Variants in NTN4 observed in about 807,000 individuals in gnomAD.
The protein encoded by NTN4 is netrin 4, also known as netrin-4.
NTN4 carries 32 observed loss-of-function variants against 73.6 expected under a neutral mutation model. That is an observed-to-expected ratio of 0.44 (90% confidence interval 0.33 to 0.58). The LOEUF is 0.58. Ranked by LOEUF, NTN4 falls within the 20% of genes least tolerant of loss-of-function variation. The pLI is 0.04. For missense variants in NTN4, 654 were observed against 798.3 expected, an observed-to-expected ratio of 0.82 and a Z score of 2.18; for synonymous variants, 258 against 287.5, an observed-to-expected ratio of 0.90 and a Z score of 1.04.
intron 9 of NTN4, 69 bp downstream of exon 9, chr12:95,665,741 A>T: frequency 8.1e-7 from 1 of 1,234,890 alleles, no homozygotes; most frequent in Non-Finnish European, 1.1e-6. Context: ...TGTGCTTCAG[A>T]GGATGTAAGA....
intron 2 of NTN4, among the ~76,000 whole-genome samples, chr12:95,742,240 C>T (rs976484927): frequency 6.6e-6 from 1 of 151,938 alleles, no homozygotes; most frequent in African/African-American, 2.4e-5. Context: ...TCATGCCTGT[C>T]ATCCCAGCAC....
intron 7 of NTN4, among the ~76,000 whole-genome samples, chr12:95,677,618 T>C (rs11108190): frequency 0.026 from 3,899 of 152,264 alleles, 195 homozygotes; most frequent in East Asian, 0.24. Flanking sequence ...TAAAAATACA[T>C]CACAGCAAAT....
At chr12:95,695,981 TCCTTCCCCTTCC>T (rs763977461) in intron 5 of NTN4, among the ~76,000 whole-genome samples, 5 of 149,616 alleles carry the variant, frequency 3.3e-5, no homozygotes, top group Non-Finnish European at 7.4e-5. Context: ...TTCTTTCCTT[TCCTTCCCCTTCC>T]CCTTCCCCTT....
chr12:95,778,777 T>C (rs1240536536), intron 2 of NTN4, among the ~76,000 whole-genome samples: 2 of 152,138 alleles, frequency 1.3e-5, no homozygotes, highest in African/African-American at 2.4e-5. Flanking sequence ...TTCCAATCAA[T>C]AGAAAAAGAG....
intron 2 of NTN4, among the ~76,000 whole-genome samples, chr12:95,775,647 A>G (rs1326908271): frequency 2.0e-5 from 3 of 152,222 alleles, no homozygotes; most frequent in Non-Finnish European, 4.4e-5. Flanking sequence ...GGTGCCCGCT[A>G]TTGCTGAGGC....
chr12:95,767,875 G>A (rs1038606160), intron 2 of NTN4, among the ~76,000 whole-genome samples: 22 of 152,162 alleles, frequency 1.4e-4, no homozygotes, highest in Non-Finnish European at 3.2e-4. Flanking sequence ...GCAGAGGGAT[G>A]TAACCCATGA....
chr12:95,708,958 C>A (rs1403983631), intron 5 of NTN4, among the ~76,000 whole-genome samples: 1 of 152,064 alleles, frequency 6.6e-6, no homozygotes, highest in Non-Finnish European at 1.5e-5. Flanking sequence ...AAACAAGGAG[C>A]AGGAGTAAAA....
At chr12:95,768,290 A>C (rs4762617) in intron 2 of NTN4, among the ~76,000 whole-genome samples, 54,109 of 151,806 alleles carry the variant, frequency 0.36, 10,072 homozygotes, top group East Asian at 0.62. Flanking sequence ...AACCCAGAAT[A>C]TTGGTGCAAG....
intron 9 of NTN4, among the ~76,000 whole-genome samples, chr12:95,659,938 T>A (rs1160450701): frequency 6.6e-6 from 1 of 152,204 alleles, no homozygotes; most frequent in Non-Finnish European, 1.5e-5. Context: ...CTTATCATAC[T>A]GCCCTAGATC....
At chr12:95,750,160 C>A (rs1158869377) in intron 2 of NTN4, among the ~76,000 whole-genome samples, 1 of 150,766 alleles carries the variant, frequency 6.6e-6, no homozygotes, top group Non-Finnish European at 1.5e-5. Flanking sequence ...TATTTCTGTG[C>A]CCCGACCCCT....
At chr12:95,743,989 C>A (rs558568417) in intron 2 of NTN4, among the ~76,000 whole-genome samples, 54 of 152,304 alleles carry the variant, frequency 3.5e-4, no homozygotes, top group Non-Finnish European at 6.0e-4. Context: ...GCAACCTCCA[C>A]CTCCTGGGTT....
chr12:95,686,769 AG>A (rs1188797335), intron 5 of NTN4, among the ~76,000 whole-genome samples: 1 of 151,732 alleles, frequency 6.6e-6, no homozygotes, highest in East Asian at 1.9e-4. Flanking sequence ...AAAAAAAAAA[AG>A]AAAGAAAAAA....
chr12:95,787,978 G>C (rs914608359), intron 1 of NTN4, among the ~76,000 whole-genome samples: 2 of 152,148 alleles, frequency 1.3e-5, no homozygotes, highest in African/African-American at 4.8e-5. Flanking sequence ...TATTTAGAAG[G>C]AAATGTGGAA....
intron 5 of NTN4, among the ~76,000 whole-genome samples, chr12:95,695,042 G>T (rs977552023): frequency 6.6e-6 from 1 of 151,924 alleles, no homozygotes; most frequent in Admixed American, 6.6e-5. Flanking sequence ...GCACAAGAAT[G>T]GTTTGAACCT....
chr12:95,750,309 C>T (rs2078897012), intron 2 of NTN4, among the ~76,000 whole-genome samples: 1 of 151,530 alleles, frequency 6.6e-6, no homozygotes, highest in Non-Finnish European at 1.5e-5. Flanking sequence ...TGTTTCTCTA[C>T]TCTCTCTTTT....
intron 2 of NTN4, among the ~76,000 whole-genome samples, chr12:95,779,389 T>C (rs2079116725): frequency 6.6e-6 from 1 of 152,238 alleles, no homozygotes; most frequent in African/African-American, 2.4e-5. Flanking sequence ...GATGACATGA[T>C]TGTATATTTA....
intron 2 of NTN4, among the ~76,000 whole-genome samples, chr12:95,742,097 T>C (rs1435173637): frequency 6.6e-6 from 1 of 152,172 alleles, no homozygotes; most frequent in Non-Finnish European, 1.5e-5. Context: ...GCCATTTCTT[T>C]GTGCCCCAGT....
intron 3 of NTN4, among the ~76,000 whole-genome samples, chr12:95,735,788 G>A (rs1183718699): frequency 2.0e-5 from 3 of 151,930 alleles, no homozygotes; most frequent in Non-Finnish European, 2.9e-5. Context: ...GAAACTTCTA[G>A]AATTTTTATC....
Position 95,790,467 on chromosome 12 carries a change from T to C in NTN4, c.-158A>G. ...GGCTCGGTCAGCGGTCGCCGGCAGC[T>C]GGGAGCCAGGGGCCGGGACCGCGCG... On this transcript the variant is annotated 5_prime_UTR_variant, in exon 1 of 10. Transcript: ENST00000343702. The surrounding 1 kb of genome is among the most constrained non-coding windows in gnomAD (Gnocchi z 6.5). 1 of 581,252 alleles carries C rather than the reference T, an allele frequency of 1.7e-6. No individual in the cohort carries two copies. The highest frequency in any genetic ancestry group is 2.7e-6 in the Non-Finnish European group (1 of 363,668). 36.0% of individuals were successfully genotyped at this position (581,252 alleles called of 1,614,324 possible). A position where few individuals can be genotyped will look rare whatever the true frequency, so the allele number is the denominator to read the frequency against.
Sources: gnomAD v4.1 joint callset for allele counts (sites outside exome capture counted in the v4.1 genomes callset) on GRCh38, gnomAD v4.1.1 for gene constraint, Gnocchi (gnomAD v3.1) non-coding constraint, MANE v1.5 for transcripts, NCBI Gene and HGNC (gene_info 2026-07-23, HGNC 2026-07-21) for gene names.